The following FANCA variants were observed in gnomAD, a reference collection of about 807,000 sequenced individuals.
FANCA encodes the protein FA complementation group A, also known as Fanconi anemia group A protein.
FANCA carries 236 observed loss-of-function variants against 194.3 expected under a neutral mutation model. The ratio of observed to expected loss-of-function variants is 1.21; its 90% CI spans 1.09 to 1.35. The LOEUF (loss-of-function observed/expected upper bound fraction) is 1.35. Among genes scored for constraint, FANCA ranks in the 40% most tolerant of loss-of-function variants. The pLI, the probability that FANCA is intolerant of heterozygous loss-of-function variation, is 0.00. For synonymous variants in FANCA, 1,014 were observed against 715.8 expected (o/e 1.42, Z -6.65); for missense variants, 2,628 against 1,813.9 (o/e 1.45, Z -8.15).
chr16:89,740,334 A>C, intron 38 of FANCA: 1 of 551,930 alleles, frequency 1.8e-6, no homozygotes, highest in Non-Finnish European at 3.3e-6. Context: ...GTCCTCAAAT[A>C]AGACATTAAA....
intron 31 of FANCA, among the ~76,000 whole-genome samples, chr16:89,751,919 C>T (rs1444893267): frequency 7.9e-5 from 12 of 151,966 alleles, no homozygotes; most frequent in African/African-American, 2.4e-4. Flanking sequence ...TACAGGTGCC[C>T]GCCACCACGC....
chr16:89,788,007 G>A (rs561051638), intron 14 of FANCA, among the ~76,000 whole-genome samples: 160 of 151,922 alleles, frequency 1.1e-3, no homozygotes, highest in Middle Eastern at 3.4e-3. Context: ...CTGAGTAGCT[G>A]GGATTACAGG....
chr16:89,745,174 G>T (rs1598067781), intron 35 of FANCA, 103 bp from the exon 36 acceptor site: 3 of 1,042,850 alleles, frequency 2.9e-6, no homozygotes, highest in African/African-American at 1.6e-5. Flanking sequence ...GCCACTACAG[G>T]CCCACACTCG....
chr16:89,799,297 C>A, intron 9 of FANCA, 65 bp from the exon 10 acceptor site: 3 of 1,591,398 alleles, frequency 1.9e-6, no homozygotes, highest in Admixed American at 1.7e-5. Flanking sequence ...CAGAAACAAT[C>A]CCCAGGCGCT....
intron 14 of FANCA, among the ~76,000 whole-genome samples, chr16:89,789,397 A>C (rs1273386757): frequency 6.6e-6 from 1 of 151,292 alleles, no homozygotes; most frequent in East Asian, 1.9e-4. Flanking sequence ...CAAAGAGGCA[A>C]CTACTTCACC....
intron 10 of FANCA, among the ~76,000 whole-genome samples, chr16:89,796,269 G>C (rs1293256308): frequency 2.6e-5 from 4 of 152,128 alleles, no homozygotes; most frequent in Admixed American, 2.0e-4. Flanking sequence ...AGGTGGGGAA[G>C]GGCAGGCCGC....
intron 27 of FANCA, among the ~76,000 whole-genome samples, chr16:89,765,895 G>T (rs990665092): frequency 4.6e-5 from 7 of 152,218 alleles, no homozygotes; most frequent in African/African-American, 1.7e-4. Flanking sequence ...GCTGCTCCCA[G>T]ATTCTGACTT....
intron 21 of FANCA, among the ~76,000 whole-genome samples, chr16:89,773,605 T>G (rs1403470813): frequency 6.6e-6 from 1 of 151,894 alleles, no homozygotes; most frequent in Non-Finnish European, 1.5e-5. Context: ...CATAAAAAAT[T>G]ACATTTATAA....
At position 89,791,272 on chromosome 16, in the gene FANCA, G is replaced by A. The variant is rs867068781; in HGVS notation, c.1359+131C>T. On this transcript the variant is annotated intron_variant, in intron 14 of 42. Transcript: ENST00000389301. Reference sequence around the variant, plus strand: ...GCACACGCAGAGGAAGATCTGCCAAGGCCACTCGGCAAAGCTGACAGCAAG... The same window carrying A: ...GCACACGCAGAGGAAGATCTGCCAAAGCCACTCGGCAAAGCTGACAGCAAG... The A allele has an allele frequency of 5.5e-6, 7 of 1,261,382 alleles. No individual in the cohort carries two copies. The South Asian group carries it at 6.4e-5, about 12-fold the overall frequency. 78.1% of individuals were successfully genotyped at this position (1,261,382 alleles called of 1,614,324 possible).
intron 6 of FANCA, 131 bp from the exon 7 acceptor site, chr16:89,805,523 G>A (rs1349175609): frequency 2.2e-5 from 15 of 679,228 alleles, no homozygotes; most frequent in Non-Finnish European, 3.2e-5. Flanking sequence ...GTGCAGTGGC[G>A]CAATCAGTCA....
rs1318801589 is a variant in FANCA at position 89,812,279 on chromosome 16, A to T, written c.284-1208T>A. On this transcript the variant is annotated intron_variant, in intron 3 of 42. Coordinates refer to ENST00000389301, the MANE Select transcript of FANCA (RefSeq NM_000135.4). ...CGTGAACCCAGGAGGCGGAGTTTGC[A>T]GTGAGCCGAGATCACGCCACTACAC... 2.7e-5 allele frequency among the ~76,000 whole-genome samples: 4 copies of T among 150,052 alleles called. No individual in the cohort carries two copies. The East Asian group carries it at 8.0e-4, about 30-fold the overall frequency.
At position 89,810,693 on chromosome 16, in the gene FANCA, A is replaced by T; in HGVS notation, c.522+14T>A. 1 of 1,525,502 alleles carries T rather than the reference A, an allele frequency of 6.6e-7. No individual in the cohort carries two copies. Among genetic ancestry groups the T allele is most frequent in the Non-Finnish European group, 9.1e-7 (1 of 1,099,846 alleles). The allele number at this position is 1,525,502 out of a possible 1,614,324, so 94.5% of individuals were successfully genotyped here. ...TGGAACACTGGAGAGTCAGATTTGC[A>T]ATCTCAAATTTACCTGTATTTTCCA... is the stretch of plus-strand genomic sequence containing the variant. On this transcript the variant is annotated intron_variant, in intron 5 of 42. Transcript: ENST00000389301.
chr16:89,743,247 G>C (rs1187672457), intron 36 of FANCA, among the ~76,000 whole-genome samples: 1 of 152,188 alleles, frequency 6.6e-6, no homozygotes, highest in African/African-American at 2.4e-5. Context: ...TGGAAGAAGA[G>C]GCCTCATTTT....
intron 39 of FANCA, 166 bp downstream of exon 39, chr16:89,739,828 T>C: frequency 1.4e-6 from 2 of 1,477,950 alleles, no homozygotes; most frequent in Non-Finnish European, 1.8e-6. Flanking sequence ...GCCAGTAAAT[T>C]ATCTTATTGC....
rs532875344 is a variant in FANCA, at chr16:89,779,286, T to C, written c.1716-283A>G. Among the ~76,000 whole-genome samples, 10 of 152,246 alleles carry C rather than the reference T, an allele frequency of 6.6e-5. No individual in the cohort carries two copies. The South Asian group carries it at 2.1e-3, about 32-fold the overall frequency. On this transcript the variant is annotated intron_variant, in intron 18 of 42. Transcript: ENST00000389301. ...GGCCACGAGGACCATGTAAGGTCCA[T>C]TTGGGGCAATTTCCTTGGAGCTAAA...
chr16:89,767,284 G>C, intron 26 of FANCA, 47 bp from the exon 27 acceptor site: 1 of 1,334,990 alleles, frequency 7.5e-7, no homozygotes. Context: ...TACAAAATAA[G>C]GGATGAAGGA....
chr16:89,769,332 G>A (rs1049222293), intron 26 of FANCA, among the ~76,000 whole-genome samples: 2 of 152,178 alleles, frequency 1.3e-5, no homozygotes, highest in African/African-American at 2.4e-5. Flanking sequence ...CTGCCTGTGC[G>A]TGGCAGCTGC....
chr16:89,738,775 C>T, intron 42 of FANCA, 67 bp from the exon 43 acceptor site: 1 of 1,612,446 alleles, frequency 6.2e-7, no homozygotes, highest in Non-Finnish European at 8.5e-7. Context: ...GGGAGGGGCT[C>T]TGGCAGAAAT....
intron 39 of FANCA, 168 bp downstream of exon 39, chr16:89,739,826 A>G: frequency 6.8e-7 from 1 of 1,475,440 alleles, no homozygotes; most frequent in Non-Finnish European, 9.0e-7. Context: ...GAGCCAGTAA[A>G]TTATCTTATT....
Sources: allele counts gnomAD v4.1 joint callset (sites outside exome capture counted in the v4.1 genomes callset), GRCh38; gene constraint gnomAD v4.1.1; transcripts MANE v1.5; gene names NCBI Gene and HGNC (gene_info 2026-07-23, HGNC 2026-07-21).